NUDT12: variants seen among roughly 807,000 people sequenced by gnomAD.
NUDT12 encodes nudix hydrolase 12, also known as NAD-capped RNA hydrolase NUDT12.
A neutral mutation model predicts 45.7 loss-of-function variants in NUDT12; 42 were observed. The ratio of observed to expected loss-of-function variants is 0.92; its 90% CI spans 0.72 to 1.19. The LOEUF is 1.19. NUDT12 is among the 50% of genes most tolerant of loss of function. The pLI is 0.00. For synonymous variants in NUDT12, 206 were observed against 179.7 expected (o/e 1.15, Z -1.17); for missense variants, 590 against 533.1 (o/e 1.11, Z -1.05).
chr5:103,556,799 T>A (rs1313181216), intron 3 of NUDT12, among the ~76,000 whole-genome samples: 1 of 152,096 alleles, frequency 6.6e-6, no homozygotes, highest in Non-Finnish European at 1.5e-5. Flanking sequence ...AAATGCTATA[T>A]GTTAAATGCT....
chr5:103,560,495 A>G (rs943063533), intron 1 of NUDT12, among the ~76,000 whole-genome samples: 1 of 152,088 alleles, frequency 6.6e-6, no homozygotes, highest in Admixed American at 6.6e-5. Context: ...GAGCTCTGAC[A>G]GTACAGACGA....
Position 103,552,233 on chromosome 5 carries a change from C to G in NUDT12, c.1262G>C (p.Trp421Ser), listed in dbSNP as rs745879581. The change falls in exon 6 of 7, where the codon TGG becomes TCG. Residue 421 changes from tryptophan to serine, a missense_variant. Physicochemically the swap from Trp to Ser is radical, Grantham distance 177. Transcript: ENST00000230792. ...GAACTTTACCTGTTCTCTAGTGAAC[C>G]AGCGGGCATCCTCTATTTCATTCTT... is the stretch of plus-strand genomic sequence containing the variant. ...VDKNEIEDAR[W>S]FTREQVLDVL... is the part of the protein sequence containing the mutation. The G allele has an allele frequency of 1.9e-6, 3 of 1,613,046 alleles. No homozygotes were observed. Among genetic ancestry groups the G allele is most frequent in the Admixed American group, 1.7e-5 (1 of 59,916 alleles).
At position 103,549,154 on chromosome 5, in the gene NUDT12, A is replaced by G. The variant is rs1393116622; in HGVS notation, c.*1707T>C. On this transcript the variant is annotated 3_prime_UTR_variant, in exon 7 of 7. Coordinates refer to ENST00000230792, the MANE Select transcript of NUDT12 (RefSeq NM_031438.4). ...TGGAATTTTACAATGTAATCTTAGA[A>G]TCTGCAAGTATTAAAAGTACATTTA... The G allele has an allele frequency of 6.6e-6, 1 of 152,114 alleles. No homozygotes were observed. Among genetic ancestry groups the G allele is most frequent in the Non-Finnish European group, 1.5e-5 (1 of 67,952 alleles). The allele number at this position is 152,114 out of a possible 1,614,324, so 9.4% of individuals were successfully genotyped here.
intron 1 of NUDT12, 43 bp from the exon 2 acceptor site, chr5:103,560,297 G>C (rs778466548): frequency 4.9e-6 from 6 of 1,236,800 alleles, no homozygotes; most frequent in Non-Finnish European, 5.9e-6. Flanking sequence ...ATTTGCAACT[G>C]CTTTTTTATC....
At chr5:103,561,080 G>A (rs544288439) in intron 1 of NUDT12, among the ~76,000 whole-genome samples, 43 of 150,182 alleles carry the variant, frequency 2.9e-4, no homozygotes, top group Non-Finnish European at 5.9e-4. Context: ...TTTTGGCGGC[G>A]GGGGATGGTG....
rs1307580511 is a variant in NUDT12, at chr5:103,549,155, T to C, written c.*1706A>G. ...GGAATTTTACAATGTAATCTTAGAA[T>C]CTGCAAGTATTAAAAGTACATTTAG... On this transcript the variant is annotated 3_prime_UTR_variant, in exon 7 of 7. Coordinates refer to ENST00000230792, the MANE Select transcript of NUDT12 (RefSeq NM_031438.4). 6.6e-6 allele frequency: 1 copy of C among 152,128 alleles called. No individual in the cohort carries two copies. The highest frequency in any genetic ancestry group is 1.5e-5 in the Non-Finnish European group (1 of 67,954). 9.4% of individuals were successfully genotyped at this position (152,128 alleles called of 1,614,324 possible). A position where few individuals can be genotyped will look rare whatever the true frequency, so the allele number is the denominator to read the frequency against.
rs533204233 is a variant in NUDT12 at position 103,550,790 on chromosome 5, T to A, written c.*71A>T. Reference sequence around the variant, plus strand: ...TGACACTCTCAAGAGTACTGAATAATCTCTAATATCACTTGAGGAATGAGT... The same window carrying A: ...TGACACTCTCAAGAGTACTGAATAAACTCTAATATCACTTGAGGAATGAGT... On this transcript the variant is annotated 3_prime_UTR_variant, in exon 7 of 7. Transcript: ENST00000230792. 1.9e-6 allele frequency: 2 copies of A among 1,068,492 alleles called. No homozygotes were observed. The highest frequency in any genetic ancestry group is 4.8e-5 in the East Asian group (2 of 41,584). The allele number at this position is 1,068,492 out of a possible 1,614,324, so 66.2% of individuals were successfully genotyped here.
intron 3 of NUDT12, among the ~76,000 whole-genome samples, chr5:103,556,378 A>G (rs1011561612): frequency 6.6e-6 from 1 of 152,022 alleles, no homozygotes; most frequent in African/African-American, 2.4e-5. Flanking sequence ...ACTGTAGGTG[A>G]TTTTAAAATT....
chr5:103,558,765 C>T, intron 3 of NUDT12, 114 bp downstream of exon 3: 2 of 684,826 alleles, frequency 2.9e-6, no homozygotes, highest in Non-Finnish European at 4.8e-6. Context: ...TGAAGACAGT[C>T]TAATTTCACT....
chr5:103,558,005 A>C (rs1813569), intron 3 of NUDT12, among the ~76,000 whole-genome samples: 96,473 of 151,480 alleles, frequency 0.64, 31,159 homozygotes, highest in Middle Eastern at 0.77. Context: ...CCTTGCTCTA[A>C]CCATCATCCT....
At position 103,559,018 on chromosome 5, in the gene NUDT12, C is replaced by T; in HGVS notation, c.657G>A (p.Glu219=). ...ACCAGGCAACCAATCCATCTTCCTC[C>T]TCTCTCGGGACTTCACCAGCATAAT... ...LLNYAGEVPR[E]EEDGLVAWFA... The change falls in exon 3 of 7, where the codon GAG becomes GAA. Residue 219 remains glutamate (E), a synonymous_variant. Transcript: ENST00000230792. 1 of 1,613,812 alleles carries T rather than the reference C, an allele frequency of 6.2e-7. No individual in the cohort carries two copies. The highest frequency in any genetic ancestry group is 2.2e-5 in the East Asian group (1 of 44,874).
At chr5:103,556,707 T>G (rs1748832859) in intron 3 of NUDT12, among the ~76,000 whole-genome samples, 1 of 152,090 alleles carries the variant, frequency 6.6e-6, no homozygotes, top group Non-Finnish European at 1.5e-5. Flanking sequence ...ATATACACTT[T>G]AGCTATAGGT....
chr5:103,559,957 T>C (rs1562621158), intron 2 of NUDT12, 86 bp downstream of exon 2: 6 of 911,900 alleles, frequency 6.6e-6, no homozygotes, highest in East Asian at 2.5e-5. Context: ...AATATAAATA[T>C]GGAAACAAGC....
intron 2 of NUDT12, chr5:103,559,799 G>T (rs1748973472): frequency 1.9e-6 from 1 of 521,290 alleles, no homozygotes; most frequent in Non-Finnish European, 3.4e-6. Context: ...TTTTCTATTT[G>T]GGAGGAAAAT....
At chr5:103,553,543 A>G (rs1042931936) in intron 5 of NUDT12, among the ~76,000 whole-genome samples, 1 of 152,114 alleles carries the variant, frequency 6.6e-6, no homozygotes, top group South Asian at 2.1e-4. Context: ...AAATTGGCAG[A>G]AACACTTCAG....
intron 3 of NUDT12, among the ~76,000 whole-genome samples, chr5:103,558,017 T>C: frequency 6.6e-6 from 1 of 151,994 alleles, no homozygotes; most frequent in Non-Finnish European, 1.5e-5. Flanking sequence ...CATCATCCTA[T>C]ATTATTGAGA....
intron 2 of NUDT12, 133 bp from the exon 3 acceptor site, chr5:103,559,601 CT>C (rs1748966558): frequency 9.9e-6 from 5 of 504,456 alleles, no homozygotes. Context: ...GATTTTTTTT[CT>C]TTTGTTACAT....
At chr5:103,559,996 A>C (rs1353617681) in intron 2 of NUDT12, 47 bp downstream of exon 2, 1 of 1,340,086 alleles carries the variant, frequency 7.5e-7, no homozygotes, top group East Asian at 2.3e-5. Context: ...TGTAACAAAG[A>C]AATTAAACCA....
Position 103,556,074 on chromosome 5 carries a change from A to G in NUDT12, c.821T>C (p.Val274Ala). ...EAGVVAQARSVLAWHSRYKFC... is the reference protein window; with the variant it reads ...EAGVVAQARSALAWHSRYKFC... The stretch of plus-strand genomic sequence containing the variant: ...CTTGTATCGACTGTGCCAGGCAAGA[A>G]CAGATCTTGCTTGAGCTACAACCCC... The change falls in exon 4 of 7, where the codon GTT becomes GCT. Residue 274 changes from valine (V) to alanine (A), a missense_variant. Coordinates refer to ENST00000230792, the MANE Select transcript of NUDT12 (RefSeq NM_031438.4). 1 of 1,609,750 alleles carries G rather than the reference A, an allele frequency of 6.2e-7. No individual in the cohort carries two copies. Among genetic ancestry groups the G allele is most frequent in the Non-Finnish European group, 8.5e-7 (1 of 1,177,844 alleles).
Sources: gnomAD v4.1 joint callset for allele counts (sites outside exome capture counted in the v4.1 genomes callset) on GRCh38, gnomAD v4.1.1 for gene constraint, MANE v1.5 for transcripts, NCBI Gene and HGNC (gene_info 2026-07-23, HGNC 2026-07-21) for gene names.